Variants in SNX17 observed in about 807,000 individuals in gnomAD.
The protein encoded by SNX17 is sorting nexin 17, also known as sorting nexin-17.
In SNX17, 35 loss-of-function variants were observed where a neutral mutation model predicts 64.3. That is an observed-to-expected ratio of 0.54 (90% CI 0.42 to 0.72). The LOEUF (loss-of-function observed/expected upper bound fraction) is 0.72, where lower values mean the gene tolerates loss of function less well. Ranked by LOEUF, SNX17 falls within the 30% of genes least tolerant of loss-of-function variation. SNX17 has a pLI of 0.00. For missense variants in SNX17, 538 were observed against 610.0 expected (o/e 0.88, Z 1.24); for synonymous variants, 259 against 230.2 (o/e 1.13, Z -1.13).
chr2:27,372,689 C>A lies in SNX17; in HGVS notation c.205C>A (p.Pro69Thr). ...FPPKKLFSLT[P>T]AEVEQRREQL... ...CCCAAAGAAGCTTTTCTCTCTGACT[C>A]CTGCTGAGGTAGAACAGAGGAGAGA... is the stretch of plus-strand genomic sequence containing the variant. The change falls in exon 3 of 15, where the codon CCT becomes ACT. Residue 69 changes from proline to threonine, a missense_variant. Coordinates refer to ENST00000233575, the MANE Select transcript of SNX17 (RefSeq NM_014748.4). 6.2e-7 allele frequency: 1 copy of A among 1,614,214 alleles called. No individual in the cohort carries two copies. Among genetic ancestry groups the A allele is most frequent in the Non-Finnish European group, 8.5e-7 (1 of 1,180,038 alleles).
At chr2:27,371,190 A>C in intron 1 of SNX17, 79 bp from the exon 2 acceptor site, 13 of 1,318,704 alleles carry the variant, frequency 9.9e-6, no homozygotes, top group Non-Finnish European at 1.4e-5. Flanking sequence ...GCGAGTTGCC[A>C]GGCAACTTCC....
chr2:27,372,916 A>AG (rs1305023542), intron 3 of SNX17, 176 bp downstream of exon 3: 2 of 1,259,966 alleles, frequency 1.6e-6, no homozygotes, highest in African/African-American at 3.0e-5. Flanking sequence ...TCTGTGTACT[A>AG]GCAAAACAAT....
Position 27,370,638 on chromosome 2 carries a change from A to G in SNX17, c.-106A>G, listed in dbSNP as rs1434770895. On this transcript the variant is annotated 5_prime_UTR_variant, in exon 1 of 15. Transcript: ENST00000233575. ...CCACATCGGATCGCAGGGCTCCCAAAATGGCGAGTGAGGCTGCGGGGACTC... is the reference window on the plus strand; with the variant it reads ...CCACATCGGATCGCAGGGCTCCCAAGATGGCGAGTGAGGCTGCGGGGACTC... 2 of 1,459,370 alleles carry G rather than the reference A, an allele frequency of 1.4e-6. No homozygotes were observed. Among genetic ancestry groups the G allele is most frequent in the East Asian group, 2.5e-5 (1 of 39,724 alleles). 90.4% of individuals were successfully genotyped at this position (1,459,370 alleles called of 1,614,324 possible). A position where few individuals can be genotyped will look rare whatever the true frequency, so the allele number is the denominator to read the frequency against.
chr2:27,375,696 G>A lies in SNX17; in HGVS notation c.965G>A (p.Arg322Gln), dbSNP rs776210961. The A allele has an allele frequency of 2.5e-6, 4 of 1,614,050 alleles. No homozygotes were observed. The highest frequency in any genetic ancestry group is 3.3e-5 in the Admixed American group (2 of 60,024). The change falls in exon 10 of 15, where the codon CGG (arginine) becomes CAG (glutamine). Residue 322 changes from arginine to glutamine, a missense_variant. This residue lies in a region of SNX17 where 505 missense variants were observed against 550.4 expected (regional missense o/e 0.92). Coordinates refer to ENST00000233575, the MANE Select transcript of SNX17 (RefSeq NM_014748.4). This position sits in a 1 kb window ranked among gnomAD's most constrained non-coding sequence, Gnocchi z 4.1. ...SFRVTRMRCW[R>Q]VTSSVPLPSG... ...CGGGTCACCCGCATGCGATGCTGGC[G>A]GGTCACCTCCTCTGTGAGTCGGGTT... is the stretch of plus-strand genomic sequence containing the variant.
At chr2:27,371,165 T>G (rs1316712124) in intron 1 of SNX17, 104 bp from the exon 2 acceptor site, 6 of 1,014,584 alleles carry the variant, frequency 5.9e-6, no homozygotes, top group African/African-American at 1.6e-5. Context: ...CTCGGGAGAT[T>G]AGCGCGTTAC....
chr2:27,372,737 G>A lies in SNX17; in HGVS notation c.253G>A (p.Ala85Thr). The change falls in exon 3 of 15, where the codon GCT becomes ACT. Residue 85 changes from alanine (A) to threonine (T), a missense_variant. Coordinates refer to ENST00000233575, the MANE Select transcript of SNX17 (RefSeq NM_014748.4). The part of the protein sequence containing the change: ...RREQLEKYMQ[A>T]VRQDPLLGSS... Reference sequence around the variant, plus strand: ...AGAGCAGTTAGAGAAGTACATGCAAGCTGGTGAGTGGTTGCAGGAAACTAG... The same window carrying A: ...AGAGCAGTTAGAGAAGTACATGCAAACTGGTGAGTGGTTGCAGGAAACTAG... The A allele has an allele frequency of 6.2e-7, 1 of 1,614,138 alleles. No individual in the cohort carries two copies. The highest frequency in any genetic ancestry group is 2.2e-5 in the East Asian group (1 of 44,884).
Position 27,372,741 on chromosome 2 carries a change from G to A in SNX17, c.256+1G>A. The A allele has an allele frequency of 6.2e-7, 1 of 1,614,138 alleles. No individual in the cohort carries two copies. Among genetic ancestry groups the A allele is most frequent in the Non-Finnish European group, 8.5e-7 (1 of 1,180,004 alleles). Reference sequence around the variant, plus strand: ...CAGTTAGAGAAGTACATGCAAGCTGGTGAGTGGTTGCAGGAAACTAGGTTG... The same window carrying A: ...CAGTTAGAGAAGTACATGCAAGCTGATGAGTGGTTGCAGGAAACTAGGTTG... On this transcript the variant is annotated splice_donor_variant, in intron 3 of 14. Transcript: ENST00000233575. LOFTEE classifies it high-confidence loss of function.
chr2:27,372,973 A>C, intron 3 of SNX17: 1 of 1,413,862 alleles, frequency 7.1e-7, no homozygotes, highest in South Asian at 1.2e-5. Context: ...ACTAGTCTTA[A>C]TATCAGTGGA....
rs1682886435 is a variant in SNX17, at chr2:27,373,883, AG to A, written c.346del (p.Glu116LysfsTer19). On this transcript the variant is annotated frameshift_variant, in exon 5 of 15. Coordinates refer to ENST00000233575, the MANE Select transcript of SNX17 (RefSeq NM_014748.4). LOFTEE classifies it high-confidence loss of function. ...CAGGAGACACAGCAGGTCCCCACAG[AG>A]GAAGTGTCCTTGGAAGTGCTGCTCA... ...AQQETQQVPT[E>X]EVSLEVLLSN... 6.2e-7 allele frequency: 1 copy of A among 1,613,686 alleles called. No homozygotes were observed. Among genetic ancestry groups the A allele is most frequent in the Non-Finnish European group, 8.5e-7 (1 of 1,179,994 alleles).
At position 27,371,325 on chromosome 2, in the gene SNX17, C is replaced by T. The variant is rs3795975; in HGVS notation, c.120C>T (p.Leu40=). Residue 40 remains leucine, a synonymous_variant, in exon 2 of 15, where the codon CTC becomes CTT. Transcript: ENST00000233575. ...ACTGTCGGGTGCGCTACAGCCAGCTCCTGGGGCTGCACGAGCAGGTGGGAC... is the reference window on the plus strand; with the variant it reads ...ACTGTCGGGTGCGCTACAGCCAGCTTCTGGGGCTGCACGAGCAGGTGGGAC... ...VLHCRVRYSQ[L]LGLHEQLRKE... is the part of the protein sequence containing the mutation. The T allele has an allele frequency of 4.8e-4, 779 of 1,612,908 alleles. 9 individuals are homozygous for T. In the East Asian group the frequency reaches 0.016, roughly 33 times the overall value.
At chr2:27,371,850 C>G (rs1052958262) in intron 2 of SNX17, among the ~76,000 whole-genome samples, 16 of 152,194 alleles carry the variant, frequency 1.1e-4, no homozygotes, top group Non-Finnish European at 2.2e-4. Flanking sequence ...CAGTAGAGCT[C>G]CACTGATAAT....
At chr2:27,374,229 GC>G (rs1401387882) in intron 6 of SNX17, 54 bp downstream of exon 6, 107 of 1,576,580 alleles carry the variant, frequency 6.8e-5, no homozygotes, top group African/African-American at 1.1e-4. Context: ...AGAGTTTGCA[GC>G]CCCCCTAACT....
At position 27,374,342 on chromosome 2, in the gene SNX17, G is replaced by C. The variant is rs562039579; in HGVS notation, c.524-4G>C. 6 of 1,590,234 alleles carry C rather than the reference G, an allele frequency of 3.8e-6. No individual in the cohort carries two copies. The Admixed American group carries it at 8.8e-5, about 23-fold the overall frequency. On this transcript the variant is annotated splice_polypyrimidine_tract_variant and splice_region_variant and intron_variant, in intron 6 of 14. Transcript: ENST00000233575. ...ATTTTCATTTTTTTTTTTTTAACCT[G>C]TAGTTGTACGGAAGTTGCAAGAGTT...
chr2:27,376,294 A>AC lies in SNX17; in HGVS notation c.1183-17dup, dbSNP rs770383478. 1 of 1,611,570 alleles carries AC rather than the reference A, an allele frequency of 6.2e-7. No homozygotes were observed. The highest frequency in any genetic ancestry group is 1.1e-5 in the South Asian group (1 of 90,956). ...GGGAAGTGATCCTGCCCTCACCGGC[A>AC]CCTTGTGTCTGTCCCCAGATGCTGC... On this transcript the variant is annotated intron_variant, in intron 12 of 14. Transcript: ENST00000233575.
intron 12 of SNX17, 55 bp downstream of exon 12, chr2:27,376,238 TC>T: frequency 1.2e-6 from 2 of 1,613,296 alleles, no homozygotes; most frequent in Non-Finnish European, 1.7e-6. Flanking sequence ...TTGCCTTTTG[TC>T]CTAGATGTGA....
Position 27,372,764 on chromosome 2 carries a change from T to C in SNX17, c.256+24T>C, listed in dbSNP as rs747691455. 6 of 1,613,792 alleles carry C rather than the reference T, an allele frequency of 3.7e-6. No homozygotes were observed. In the African/African-American group the frequency reaches 4.0e-5, roughly 11 times the overall value. On this transcript the variant is annotated intron_variant, in intron 3 of 14. Coordinates refer to ENST00000233575, the MANE Select transcript of SNX17 (RefSeq NM_014748.4). ...TGGTGAGTGGTTGCAGGAAACTAGG[T>C]TGACTATATTGAGGACTATGGGGAG...
rs978181544 is a variant in SNX17, at chr2:27,376,531, G to A, written c.1299+11G>A. The A allele has an allele frequency of 4.3e-6, 7 of 1,614,206 alleles. No individual in the cohort carries two copies. The highest frequency in any genetic ancestry group is 5.9e-6 in the Non-Finnish European group (7 of 1,180,032). On this transcript the variant is annotated intron_variant, in intron 14 of 14. Coordinates refer to ENST00000233575, the MANE Select transcript of SNX17 (RefSeq NM_014748.4). ...ATGGTCAAACTCTCAGTGAGTTCCA[G>A]CGTTGGTGAGGTTGCTGTTTGTTGG...
rs1572640196 is a variant in SNX17 at position 27,375,429 on chromosome 2, C to A, written c.775-77C>A. 3.3e-6 allele frequency: 5 copies of A among 1,514,418 alleles called. No individual in the cohort carries two copies. The East Asian group carries it at 6.8e-5, about 21-fold the overall frequency. 93.8% of individuals were successfully genotyped at this position (1,514,418 alleles called of 1,614,324 possible). A position where few individuals can be genotyped will look rare whatever the true frequency, so the allele number is the denominator to read the frequency against. ...CTGGGATTATAGGCATGAGCCACCG[C>A]GCCCGACCGGGGTTGCTTTTTCTGA... On this transcript the variant is annotated intron_variant, in intron 9 of 14. Coordinates refer to ENST00000233575, the MANE Select transcript of SNX17 (RefSeq NM_014748.4). This position sits in a 1 kb window ranked among gnomAD's most constrained non-coding sequence, Gnocchi z 4.1.
rs1283703090 is a variant in SNX17, at chr2:27,377,075, T to C, written c.*356T>C. On this transcript the variant is annotated 3_prime_UTR_variant, in exon 15 of 15. Coordinates refer to ENST00000233575, the MANE Select transcript of SNX17 (RefSeq NM_014748.4). This position sits in a 1 kb window ranked among gnomAD's most constrained non-coding sequence, Gnocchi z 4.4. ...AAGGCCAAGGGGATGGGCAGAGGTC[T>C]GTGTTTGGTCTGGCCCAGTTCCCCA... The C allele has an allele frequency of 1.5e-5, 6 of 405,718 alleles. No homozygotes were observed. The highest frequency in any genetic ancestry group is 2.3e-5 in the Non-Finnish European group (5 of 216,796). The allele number at this position is 405,718 out of a possible 1,614,324, so 25.1% of individuals were successfully genotyped here.
Sources: gnomAD v4.1 joint callset for allele counts (sites outside exome capture counted in the v4.1 genomes callset) on GRCh38, gnomAD v4.1.1 for gene constraint, gnomAD v4.1.1 regional missense constraint, Gnocchi (gnomAD v3.1) non-coding constraint, MANE v1.5 for transcripts, NCBI Gene and HGNC (gene_info 2026-07-23, HGNC 2026-07-21) for gene names.